Variants in ADGRL2 observed in about 807,000 individuals in gnomAD.
ADGRL2 encodes calcium-independent alpha-latrotoxin receptor 2.
A neutral mutation model predicts 157.4 loss-of-function variants in ADGRL2; 44 were observed. The ratio of observed to expected loss-of-function variants is 0.28; its 90% CI spans 0.22 to 0.36. The LOEUF is 0.36. Ranked by LOEUF, ADGRL2 falls within the 10% of genes least tolerant of loss-of-function variation. The pLI, the probability that ADGRL2 is intolerant of heterozygous loss-of-function variation, is 1.00. For synonymous variants in ADGRL2, 585 were observed against 624.7 expected (o/e 0.94, Z 0.95); for missense variants, 1,510 against 1,768.9 (o/e 0.85, Z 2.63).
intron 2 of ADGRL2, among the ~76,000 whole-genome samples, chr1:81,892,388 G>A (rs1157454331): frequency 6.6e-6 from 1 of 152,040 alleles, no homozygotes; most frequent in Non-Finnish European, 1.5e-5. Context: ...AAAAAATGTA[G>A]TTATTGACCT....
chr1:81,394,339 T>TA (rs1415606555), intron 1 of ADGRL2, among the ~76,000 whole-genome samples: 1 of 152,142 alleles, frequency 6.6e-6, no homozygotes, highest in Non-Finnish European at 1.5e-5. Flanking sequence ...TTGCCTCCAT[T>TA]AAACAAACTT....
At chr1:81,427,459 G>A in intron 1 of ADGRL2, 3 of 754,308 alleles carry the variant, frequency 4.0e-6, no homozygotes, top group East Asian at 2.4e-5. Flanking sequence ...TGGTGGTGGT[G>A]GGAACTATAA....
At chr1:81,536,040 T>C (rs2079729446) in intron 2 of ADGRL2, among the ~76,000 whole-genome samples, 1 of 152,208 alleles carries the variant, frequency 6.6e-6, no homozygotes, top group Admixed American at 6.5e-5. Context: ...ATCTCAGATA[T>C]GCCATTTAAA....
intron 1 of ADGRL2, among the ~76,000 whole-genome samples, chr1:81,325,812 C>T (rs1378241704): frequency 6.6e-6 from 1 of 152,184 alleles, no homozygotes; most frequent in Non-Finnish European, 1.5e-5. Context: ...ATATTCAACT[C>T]AGTTGTCATC....
At position 81,616,111 on chromosome 1, in the gene ADGRL2, G is replaced by A. The variant is rs1014752123; in HGVS notation, c.-143+35131G>A. Among the ~76,000 whole-genome samples the A allele has an allele frequency of 2.8e-5, 4 of 145,406 alleles. No homozygotes were observed. The South Asian group carries it at 8.9e-4, about 32-fold the overall frequency. On this transcript the variant is annotated intron_variant, in intron 3 of 24. Transcript: ENST00000370721. Reference sequence around the variant, plus strand: ...CGCTGGCACCACCATCACCTGCAGAGCCATCCCTACTAGTATTTGGAGCTG... The same window carrying A: ...CGCTGGCACCACCATCACCTGCAGAACCATCCCTACTAGTATTTGGAGCTG...
At chr1:81,610,374 G>A (rs2081517747) in intron 3 of ADGRL2, among the ~76,000 whole-genome samples, 1 of 151,950 alleles carries the variant, frequency 6.6e-6, no homozygotes, top group African/African-American at 2.4e-5. Flanking sequence ...GAGGTAAAAG[G>A]AAGTGCAGAG....
chr1:81,459,850 ACACT>A (rs1557704601), intron 2 of ADGRL2, among the ~76,000 whole-genome samples: 18 of 151,708 alleles, frequency 1.2e-4, no homozygotes, highest in Admixed American at 1.1e-3. Context: ...ACACATACAC[ACACT>A]AAGTAGCAGG....
At chr1:81,393,311 G>A (rs1487353025) in intron 1 of ADGRL2, among the ~76,000 whole-genome samples, 1 of 149,932 alleles carries the variant, frequency 6.7e-6, no homozygotes, top group African/African-American at 2.5e-5. Flanking sequence ...ATAGAGCCTG[G>A]TTATGTAGAA....
At chr1:81,564,131 C>T (rs2080506283) in intron 2 of ADGRL2, among the ~76,000 whole-genome samples, 1 of 152,164 alleles carries the variant, frequency 6.6e-6, no homozygotes, top group African/African-American at 2.4e-5. Flanking sequence ...GATGTCAAAT[C>T]CTTTTTCAAA....
intron 1 of ADGRL2, among the ~76,000 whole-genome samples, chr1:81,813,730 A>G (rs2090106771): frequency 1.3e-5 from 2 of 151,758 alleles, no homozygotes; most frequent in African/African-American, 2.4e-5. Context: ...ATATAAAAAG[A>G]TATTTCTTAT....
chr1:81,502,736 C>A, intron 2 of ADGRL2: 4 of 1,613,818 alleles, frequency 2.5e-6, no homozygotes, highest in Non-Finnish European at 3.4e-6. Context: ...GAGCTCCAGG[C>A]AGCAATTGAT....
chr1:81,422,866 C>T (rs1270164082), intron 1 of ADGRL2, among the ~76,000 whole-genome samples: 7 of 152,154 alleles, frequency 4.6e-5, no homozygotes, highest in Admixed American at 1.3e-4. Context: ...AAAATGTTTG[C>T]TTTTGTCCCA....
chr1:81,651,663 A>G (rs1478216928), intron 3 of ADGRL2, among the ~76,000 whole-genome samples: 1 of 152,188 alleles, frequency 6.6e-6, no homozygotes, highest in Non-Finnish European at 1.5e-5. Context: ...TTTGGCATCA[A>G]TTCATTATAT....
rs1210488629 is a variant in ADGRL2 at position 81,874,635 on chromosome 1, T to TTGTCC, written c.74-32347_74-32343dup. On this transcript the variant is annotated intron_variant, in intron 2 of 23. Transcript: ENST00000686636. ...TTGTCTTGTCTTGTCTTGTCTTGTC[T>TTGTCC]TGTCCTGTCCTGTCCTGTCCTGTCC... is the stretch of plus-strand genomic sequence containing the variant. Among the ~76,000 whole-genome samples the TTGTCC allele has an allele frequency of 8.8e-3, 990 of 112,844 alleles. 10 individuals are homozygous for TTGTCC. The highest frequency in any genetic ancestry group is 0.028 in the African/African-American group (932 of 33,464). The allele number at this position is 112,844 out of a possible 152,430, so 74.0% of individuals were successfully genotyped here. A position where few individuals can be genotyped will look rare whatever the true frequency, so the allele number is the denominator to read the frequency against.
intron 2 of ADGRL2, among the ~76,000 whole-genome samples, chr1:81,840,848 C>T (rs1290493904): frequency 1.3e-5 from 2 of 152,212 alleles, no homozygotes; most frequent in Non-Finnish European, 2.9e-5. Flanking sequence ...TTCTAGAGAA[C>T]TAATCTCAGA....
intron 17 of ADGRL2, among the ~76,000 whole-genome samples, chr1:81,972,268 A>G (rs1360204854): frequency 6.6e-6 from 1 of 152,120 alleles, no homozygotes; most frequent in Non-Finnish European, 1.5e-5. Context: ...GTTTCCACAT[A>G]GTAATTTAAT....
intron 3 of ADGRL2, among the ~76,000 whole-genome samples, chr1:81,634,854 T>C (rs11163345): frequency 0.12 from 17,718 of 152,144 alleles, 1,114 homozygotes; most frequent in Middle Eastern, 0.16. Flanking sequence ...CTGTAGAAGA[T>C]ACACACTGTT....
Position 81,801,047 on chromosome 1 carries a change from G to A in ADGRL2, c.-122G>A, listed in dbSNP as rs1320503859. 6.6e-6 allele frequency among the ~76,000 whole-genome samples: 1 copy of A among 151,546 alleles called. No individual in the cohort carries two copies. Among genetic ancestry groups the A allele is most frequent in the Non-Finnish European group, 1.5e-5 (1 of 67,832 alleles). Reference sequence around the variant, plus strand: ...GGGCGGCTGCTTGGCCACCGCCACCGCCGTCCGAAGGGCTCGAGCCCGTAA... The same window carrying A: ...GGGCGGCTGCTTGGCCACCGCCACCACCGTCCGAAGGGCTCGAGCCCGTAA... On this transcript the variant is annotated 5_prime_UTR_variant, in exon 1 of 24. Coordinates refer to ENST00000686636, the MANE Select transcript of ADGRL2 (RefSeq NM_001366006.2).
intron 1 of ADGRL2, among the ~76,000 whole-genome samples, chr1:81,359,221 G>T (rs1357870154): frequency 6.6e-6 from 1 of 152,042 alleles, no homozygotes; most frequent in East Asian, 1.9e-4. Context: ...CCTTAAAAAT[G>T]ACTGTGTTAG....
Sources: gnomAD v4.1 joint callset for allele counts (sites outside exome capture counted in the v4.1 genomes callset) on GRCh38, gnomAD v4.1.1 for gene constraint, MANE v1.5 for transcripts, NCBI Gene and HGNC (gene_info 2026-07-23, HGNC 2026-07-21) for gene names.